Variants in SLC6A17 observed in about 807,000 individuals in gnomAD.
SLC6A17 encodes sodium-dependent neutral amino acid transporter SLC6A17.
In SLC6A17, 21 loss-of-function variants were observed where a neutral mutation model predicts 64.5. The observed-to-expected ratio is 0.33, with a 90% CI of 0.23 to 0.47. The LOEUF is 0.47. Ranked by LOEUF, SLC6A17 falls within the 20% of genes least tolerant of loss-of-function variation. The pLI is 1.00. For missense variants in SLC6A17, 682 were observed against 963.2 expected, an observed-to-expected ratio of 0.71 and a Z score of 3.86; for synonymous variants, 372 against 399.5, an observed-to-expected ratio of 0.93 and a Z score of 0.82.
rs1208732281 is a variant in SLC6A17 at position 110,195,443 on chromosome 1, G to A, written c.1493-143G>A. The A allele has an allele frequency of 1.5e-5, 15 of 977,038 alleles. No individual in the cohort carries two copies. In the African/African-American group the frequency reaches 1.9e-4, roughly 13 times the overall value. The allele number at this position is 977,038 out of a possible 1,614,324, so 60.5% of individuals were successfully genotyped here. A position where few individuals can be genotyped will look rare whatever the true frequency, so the allele number is the denominator to read the frequency against. On this transcript the variant is annotated intron_variant, in intron 9 of 11. Transcript: ENST00000331565. ...GAACCTGAGCATCTGGATCCCTCGT[G>A]CAGGACTGAGCCTGCTGGCAGGAGG...
chr1:110,189,678 AC>A (rs1383971122), intron 6 of SLC6A17, among the ~76,000 whole-genome samples: 2 of 151,326 alleles, frequency 1.3e-5, no homozygotes, highest in East Asian at 3.9e-4. Flanking sequence ...TACCTGTGCC[AC>A]CCCCACCTCG....
At position 110,194,659 on chromosome 1, in the gene SLC6A17, C is replaced by G; in HGVS notation, c.1380C>G (p.Val460=). The stretch of plus-strand genomic sequence containing the variant: ...TCCCCGCCTCCCCGTTCTGGTCCGT[C>G]ATGTTCTTCTTGATGCTTATCAACC... ...THFPASPFWS[V]MFFLMLINLG... The change falls in exon 9 of 12, where the codon GTC becomes GTG. Residue 460 remains valine, a synonymous_variant. Coordinates refer to ENST00000331565, the MANE Select transcript of SLC6A17 (RefSeq NM_001010898.4). 6.2e-7 allele frequency: 1 copy of G among 1,614,204 alleles called. No homozygotes were observed. Among genetic ancestry groups the G allele is most frequent in the Non-Finnish European group, 8.5e-7 (1 of 1,180,044 alleles).
chr1:110,162,547 A>C (rs1157244108), intron 1 of SLC6A17, among the ~76,000 whole-genome samples: 1 of 152,116 alleles, frequency 6.6e-6, no homozygotes, highest in African/African-American at 2.4e-5. Flanking sequence ...GTTCCATGAG[A>C]TACATGGGTA....
At chr1:110,163,175 G>A (rs776946272) in intron 1 of SLC6A17, among the ~76,000 whole-genome samples, 17 of 152,076 alleles carry the variant, frequency 1.1e-4, no homozygotes, top group Middle Eastern at 6.8e-3. Context: ...TGGTAGCTGC[G>A]GGACCTTTGC....
chr1:110,173,954 G>C lies in SLC6A17; in HGVS notation c.445-19G>C. On this transcript the variant is annotated intron_variant, in intron 3 of 11. Transcript: ENST00000331565. ...AGTTGCCTGCAGCCTCAGTGACCCC[G>C]CAGTGGGCTTGTCCCCAGGTCTGTC... 1 of 1,611,994 alleles carries C rather than the reference G, an allele frequency of 6.2e-7. No homozygotes were observed. Among genetic ancestry groups the C allele is most frequent in the Non-Finnish European group, 8.5e-7 (1 of 1,178,984 alleles).
At chr1:110,174,997 G>T (rs753621104) in intron 5 of SLC6A17, 37 bp downstream of exon 5, 1 of 1,595,306 alleles carries the variant, frequency 6.3e-7, no homozygotes, top group South Asian at 1.1e-5. Flanking sequence ...CCCAAATGGG[G>T]AACAGCAGAA....
chr1:110,154,431 G>GT (rs1655698522), intron 1 of SLC6A17, among the ~76,000 whole-genome samples: 1 of 152,192 alleles, frequency 6.6e-6, no homozygotes, highest in Admixed American at 6.5e-5. Flanking sequence ...TGTGGGTCCA[G>GT]TTTTTTTAAG....
intron 5 of SLC6A17, among the ~76,000 whole-genome samples, chr1:110,175,705 G>A (rs896556656): frequency 1.3e-5 from 2 of 152,158 alleles, no homozygotes; most frequent in African/African-American, 4.8e-5. Flanking sequence ...TGAGGCTTCG[G>A]GTTCTTTTCC....
intron 1 of SLC6A17, among the ~76,000 whole-genome samples, chr1:110,152,589 G>A (rs951110491): frequency 2.6e-5 from 4 of 152,182 alleles, no homozygotes; most frequent in African/African-American, 4.8e-5. Flanking sequence ...AAGGTGAGCA[G>A]GGCCAGGCTG....
chr1:110,170,937 A>G (rs185509052), intron 2 of SLC6A17, among the ~76,000 whole-genome samples: 111 of 152,084 alleles, frequency 7.3e-4, no homozygotes, highest in Non-Finnish European at 1.1e-3. Flanking sequence ...CTGTTCTAGG[A>G]TGGTGTCTGT....
At chr1:110,198,016 G>T in intron 11 of SLC6A17, 60 bp from the exon 12 acceptor site, 1 of 1,552,834 alleles carries the variant, frequency 6.4e-7, no homozygotes, top group Non-Finnish European at 8.7e-7. Flanking sequence ...GTCTTGGAGG[G>T]CCTGGGCGGG....
intron 1 of SLC6A17, among the ~76,000 whole-genome samples, chr1:110,153,202 G>A (rs1164610005): frequency 5.3e-5 from 8 of 152,094 alleles, no homozygotes. Context: ...CACGTGCTGG[G>A]TGGACTTCAG....
chr1:110,199,786 T>C lies in SLC6A17; in HGVS notation c.*1342T>C, dbSNP rs1657071156. ...AGGGCCTCCTCTGGAAGAGAACCCA[T>C]TCTCAGAGTGCAGCCAGGGAGGAAC... On this transcript the variant is annotated 3_prime_UTR_variant, in exon 12 of 12. Transcript: ENST00000331565. 1 of 393,008 alleles carries C rather than the reference T, an allele frequency of 2.5e-6. No individual in the cohort carries two copies. 24.3% of individuals were successfully genotyped at this position (393,008 alleles called of 1,614,324 possible).
chr1:110,164,804 C>G (rs1656000912), intron 1 of SLC6A17, among the ~76,000 whole-genome samples: 1 of 152,204 alleles, frequency 6.6e-6, no homozygotes. Context: ...GTGACCGAAG[C>G]TGCCACTCAC....
Position 110,192,915 on chromosome 1 carries a change from G to A in SLC6A17, c.1299+217G>A, listed in dbSNP as rs537397812. On this transcript the variant is annotated intron_variant, in intron 8 of 11. Coordinates refer to ENST00000331565, the MANE Select transcript of SLC6A17 (RefSeq NM_001010898.4). The surrounding 1 kb of genome is among the most constrained non-coding windows in gnomAD (Gnocchi z 4.3). ...GGCTTGAGCCTAGACAAGAAGTAGGGCAGACACACACCTCTCAGAAGTCAC... is the reference window on the plus strand; with the variant it reads ...GGCTTGAGCCTAGACAAGAAGTAGGACAGACACACACCTCTCAGAAGTCAC... 6.6e-6 allele frequency among the ~76,000 whole-genome samples: 1 copy of A among 152,318 alleles called. No individual in the cohort carries two copies. The highest frequency in any genetic ancestry group is 2.1e-4 in the South Asian group (1 of 4,822).
intron 10 of SLC6A17, among the ~76,000 whole-genome samples, chr1:110,196,866 T>G (rs1214071969): frequency 6.6e-6 from 1 of 152,190 alleles, no homozygotes; most frequent in Non-Finnish European, 1.5e-5. Context: ...CAGTCACAGG[T>G]ATTGTTAATA....
At chr1:110,153,184 A>G (rs1362882318) in intron 1 of SLC6A17, among the ~76,000 whole-genome samples, 1 of 152,132 alleles carries the variant, frequency 6.6e-6, no homozygotes, top group African/African-American at 2.4e-5. Flanking sequence ...CCTGGTCCCA[A>G]GCTGCAGCAC....
chr1:110,167,838 G>C (rs1213969154), intron 2 of SLC6A17, among the ~76,000 whole-genome samples: 1 of 152,204 alleles, frequency 6.6e-6, no homozygotes, highest in African/African-American at 2.4e-5. Context: ...AAATTGGTTA[G>C]ATAACTTGTT....
intron 1 of SLC6A17, among the ~76,000 whole-genome samples, chr1:110,155,356 A>G (rs914678844): frequency 3.9e-5 from 6 of 152,370 alleles, no homozygotes; most frequent in African/African-American, 1.4e-4. Flanking sequence ...TAGACGTTCA[A>G]TATGTACAGA....
Sources: allele counts gnomAD v4.1 joint callset (sites outside exome capture counted in the v4.1 genomes callset), GRCh38; gene constraint gnomAD v4.1.1; non-coding constraint Gnocchi (gnomAD v3.1); transcripts MANE v1.5; gene names NCBI Gene and HGNC (gene_info 2026-07-23, HGNC 2026-07-21).